The following FCHSD2 variants were observed in gnomAD, a reference collection of about 807,000 sequenced individuals.
The protein encoded by FCHSD2 is FCH and double SH3 domains 2, also known as F-BAR and double SH3 domains protein 2.
Under a neutral mutation model 108.1 loss-of-function variants are expected in FCHSD2, and 38 were observed. That is an observed-to-expected ratio of 0.35 (90% confidence interval 0.27 to 0.46). The LOEUF (loss-of-function observed/expected upper bound fraction) is 0.46, where lower values mean the gene tolerates loss of function less well. Among genes scored for constraint, FCHSD2 ranks in the 20% least tolerant of loss-of-function variants. The pLI is 1.00. For missense variants in FCHSD2, 751 were observed against 897.8 expected, an observed-to-expected ratio of 0.84 and a Z score of 2.09; for synonymous variants, 279 against 314.7, an observed-to-expected ratio of 0.89 and a Z score of 1.20.
At chr11:73,128,110 G>A (rs1860902886) in intron 2 of FCHSD2, among the ~76,000 whole-genome samples, 1 of 151,638 alleles carries the variant, frequency 6.6e-6, no homozygotes, top group African/African-American at 2.4e-5. Context: ...TGGTAAGATT[G>A]GGAGGAGAAT....
At chr11:73,096,932 G>GATA (rs1469049709) in intron 2 of FCHSD2, among the ~76,000 whole-genome samples, 8 of 139,870 alleles carry the variant, frequency 5.7e-5, no homozygotes, top group Admixed American at 1.5e-4. Context: ...CCTCTACTGA[G>GATA]ATAATCATGT....
intron 10 of FCHSD2, among the ~76,000 whole-genome samples, chr11:72,890,850 T>TTCTGCC (rs1855299180): frequency 6.6e-6 from 1 of 152,120 alleles, no homozygotes; most frequent in Non-Finnish European, 1.5e-5. Context: ...TCTCTCTAAA[T>TTCTGCC]TCTTAAAGAC....
intron 8 of FCHSD2, among the ~76,000 whole-genome samples, chr11:72,937,119 C>T (rs1380366903): frequency 6.6e-6 from 1 of 152,126 alleles, no homozygotes; most frequent in African/African-American, 2.4e-5. Context: ...AGAATATGAA[C>T]ACAATTATAT....
intron 8 of FCHSD2, among the ~76,000 whole-genome samples, chr11:72,978,853 T>TC (rs1491142088): frequency 1.6e-4 from 19 of 120,958 alleles, no homozygotes; most frequent in African/African-American, 5.7e-4. Context: ...GGTAGCTCTT[T>TC]CTTTTTTTTT....
At position 72,943,427 on chromosome 11, in the gene FCHSD2, G is replaced by A. The variant is rs568878613; in HGVS notation, c.706-21477C>T. On this transcript the variant is annotated intron_variant, in intron 8 of 19. Transcript: ENST00000409418. ...CTGATGGAGAGGTTTGAGTAGGAAA[G>A]GATTAGTGAGACACTGAATCAGGAA... 2.6e-5 allele frequency among the ~76,000 whole-genome samples: 4 copies of A among 152,300 alleles called. No homozygotes were observed. In the East Asian group the frequency reaches 7.7e-4, roughly 29 times the overall value.
chr11:72,985,414 T>C (rs1038797305), intron 6 of FCHSD2, among the ~76,000 whole-genome samples: 4 of 149,860 alleles, frequency 2.7e-5, no homozygotes, highest in Non-Finnish European at 4.4e-5. Flanking sequence ...TGGTGTCTCC[T>C]AATAAACAAG....
intron 10 of FCHSD2, among the ~76,000 whole-genome samples, chr11:72,901,404 AAATAAT>A (rs1274445720): frequency 6.6e-6 from 1 of 151,870 alleles, no homozygotes; most frequent in Non-Finnish European, 1.5e-5. Flanking sequence ...CTCAAAAATA[AAATAAT>A]AATAATAATA....
intron 2 of FCHSD2, among the ~76,000 whole-genome samples, chr11:73,119,593 C>A (rs892078017): frequency 4.6e-5 from 7 of 152,098 alleles, no homozygotes; most frequent in Non-Finnish European, 1.5e-5. Flanking sequence ...ACTACAGGCA[C>A]ATGCCACCAT....
intron 12 of FCHSD2, among the ~76,000 whole-genome samples, chr11:72,880,797 G>A (rs1855067925): frequency 6.6e-6 from 1 of 151,320 alleles, no homozygotes; most frequent in Non-Finnish European, 1.5e-5. Context: ...AGCCTGGGGA[G>A]GCCAAGGCTG....
At position 73,141,864 on chromosome 11, in the gene FCHSD2, G is replaced by A. The variant is rs1381193033; in HGVS notation, c.14C>T (p.Pro5Leu). 3 of 1,544,800 alleles carry A rather than the reference G, an allele frequency of 1.9e-6. No individual in the cohort carries two copies. The highest frequency in any genetic ancestry group is 1.2e-5 in the South Asian group (1 of 83,892). The part of the protein sequence containing the change: MQPP[P>L]RKVKVTQELK... The stretch of plus-strand genomic sequence containing the variant: ...CCCCAGCTGCGCCCTTACCTTCCTC[G>A]GCGGCGGCTGCATGATGCTGAAGGG... The change falls in exon 1 of 20, where the codon CCG (proline) becomes CTG (leucine). Residue 5 changes from proline to leucine, a missense_variant. Coordinates refer to ENST00000409418, the MANE Select transcript of FCHSD2 (RefSeq NM_014824.3).
At chr11:73,048,071 TAA>T (rs57050252) in intron 3 of FCHSD2, among the ~76,000 whole-genome samples, 2 of 148,324 alleles carry the variant, frequency 1.3e-5, no homozygotes, top group African/African-American at 4.9e-5. Flanking sequence ...GGCAGGAAGT[TAA>T]AAAAAAAATA....
chr11:73,083,734 G>A lies in FCHSD2; in HGVS notation c.126C>T (p.Phe42=). The change falls in exon 3 of 20, where the codon TTC becomes TTT. Residue 42 remains phenylalanine, a synonymous_variant. Transcript: ENST00000409418. ...ECDLLEDMRT[F]SQKKAAIERE... is the part of the protein sequence containing the mutation. ...TTTCAATAGCAGCCTTCTTCTGACT[G>A]AATGTCCTAAAAATACAAAGAAAAA... 1 of 1,541,014 alleles carries A rather than the reference G, an allele frequency of 6.5e-7. No individual in the cohort carries two copies. The highest frequency in any genetic ancestry group is 1.2e-5 in the South Asian group (1 of 83,862).
chr11:73,043,680 C>T (rs1044007506), intron 3 of FCHSD2, among the ~76,000 whole-genome samples: 1 of 152,174 alleles, frequency 6.6e-6, no homozygotes, highest in Non-Finnish European at 1.5e-5. Context: ...TTTCCAGCCT[C>T]CTTTAAAATT....
chr11:72,973,571 T>C (rs1481613315), intron 8 of FCHSD2, among the ~76,000 whole-genome samples: 2 of 152,190 alleles, frequency 1.3e-5, no homozygotes, highest in African/African-American at 4.8e-5. Context: ...ACACTATCTA[T>C]TGTCAGAGTG....
intron 6 of FCHSD2, 48 bp from the exon 7 acceptor site, chr11:72,985,164 TCACA>T: frequency 1.9e-6 from 1 of 520,448 alleles, no homozygotes; most frequent in Non-Finnish European, 3.3e-6. Context: ...TCTAATTATA[TCACA>T]ATAAAATTAC....
chr11:73,077,097 C>CAAAAAAAAAA (rs372641793), intron 3 of FCHSD2, among the ~76,000 whole-genome samples: 4 of 72,494 alleles, frequency 5.5e-5, no homozygotes, highest in Non-Finnish European at 7.5e-5. Context: ...GACTCTGTCT[C>CAAAAAAAAAA]AAAAAAAAAA....
Position 72,849,772 on chromosome 11 carries a change from C to G in FCHSD2, c.1426G>C (p.Val476Leu). The change falls in exon 14 of 20, where the codon GTT becomes CTT. Residue 476 changes from valine to leucine, a missense_variant. Transcript: ENST00000409418. Reference sequence around the variant, plus strand: ...ATACAAACCTTGTAGGAATAAACAACTTTGCAGGTGAGTGGATAATTTCTT... The same window carrying G: ...ATACAAACCTTGTAGGAATAAACAAGTTTGCAGGTGAGTGGATAATTTCTT... ...TLRNYPLTCK[V>L]VYSYKASQPD... The G allele has an allele frequency of 6.2e-7, 1 of 1,611,604 alleles. No homozygotes were observed. The highest frequency in any genetic ancestry group is 8.5e-7 in the Non-Finnish European group (1 of 1,178,464).
At chr11:72,968,983 T>C (rs755129677) in intron 8 of FCHSD2, among the ~76,000 whole-genome samples, 23 of 152,276 alleles carry the variant, frequency 1.5e-4, no homozygotes, top group Non-Finnish European at 2.9e-4. Flanking sequence ...ATTCATCTTA[T>C]ATGAAAAACA....
intron 6 of FCHSD2, among the ~76,000 whole-genome samples, chr11:72,987,168 C>T (rs961774379): frequency 6.6e-6 from 1 of 152,116 alleles, no homozygotes; most frequent in African/African-American, 2.4e-5. Flanking sequence ...ATCTCCACAC[C>T]ATCTATCAAA....
Sources: allele counts gnomAD v4.1 joint callset (sites outside exome capture counted in the v4.1 genomes callset), GRCh38; gene constraint gnomAD v4.1.1; transcripts MANE v1.5; gene names NCBI Gene and HGNC (gene_info 2026-07-23, HGNC 2026-07-21).